ANK2: variants seen among roughly 807,000 people sequenced by gnomAD.
ANK2 encodes ankyrin 2.
Under a neutral mutation model 360.5 loss-of-function variants are expected in ANK2, and 83 were observed. That is an observed-to-expected ratio of 0.23 (90% confidence interval 0.19 to 0.28). The LOEUF (loss-of-function observed/expected upper bound fraction) is 0.28. Among genes scored for constraint, ANK2 ranks in the 10% least tolerant of loss-of-function variants. ANK2 has a pLI of 1.00. For synonymous variants in ANK2, 1,740 were observed against 1,759.5 expected, an observed-to-expected ratio of 0.99 and a Z score of 0.28; for missense variants, 4,201 against 4,795.7, an observed-to-expected ratio of 0.88 and a Z score of 3.66.
intron 2 of ANK2, among the ~76,000 whole-genome samples, chr4:113,176,488 A>G (rs2153228690): frequency 6.6e-6 from 1 of 152,064 alleles, no homozygotes; most frequent in South Asian, 2.1e-4. Context: ...GTTCTTTTGG[A>G]CAAATAATTT....
chr4:112,776,042 G>A, the ANK2 span, among the ~76,000 whole-genome samples: 1 of 152,108 alleles, frequency 6.6e-6, no homozygotes, highest in Non-Finnish European at 1.5e-5. Context: ...TCTGAGAAGC[G>A]CCAGCCTAGG....
intron 1 of ANK2, among the ~76,000 whole-genome samples, chr4:112,835,772 T>A (rs115341665): frequency 0.011 from 1,639 of 152,330 alleles, 28 homozygotes; most frequent in African/African-American, 0.037. Context: ...AAATGAACTT[T>A]CTGCTAAAAT....
At chr4:112,974,067 A>G (rs905639367) in intron 2 of ANK2, among the ~76,000 whole-genome samples, 1 of 152,178 alleles carries the variant, frequency 6.6e-6, no homozygotes, top group African/African-American at 2.4e-5. Flanking sequence ...GTCTTTGAAA[A>G]ACAATTTAAA....
At chr4:112,859,950 CTCTG>C (rs1249247717) in intron 1 of ANK2, among the ~76,000 whole-genome samples, 1 of 152,200 alleles carries the variant, frequency 6.6e-6, no homozygotes. Context: ...CTGATCACTG[CTCTG>C]CCAGCAATAC....
chr4:113,151,396 T>C (rs1353847951), intron 1 of ANK2, among the ~76,000 whole-genome samples: 5 of 152,136 alleles, frequency 3.3e-5, no homozygotes, highest in Non-Finnish European at 7.4e-5. Flanking sequence ...AAGCTTCCAC[T>C]CACGGAGGAA....
intron 1 of ANK2, among the ~76,000 whole-genome samples, chr4:112,840,848 A>G (rs2061938223): frequency 6.6e-6 from 1 of 152,230 alleles, no homozygotes; most frequent in Non-Finnish European, 1.5e-5. Flanking sequence ...CAACCCAGGG[A>G]GTGTGATGCA....
At chr4:113,171,428 T>C (rs2097945397) in intron 1 of ANK2, among the ~76,000 whole-genome samples, 1 of 152,216 alleles carries the variant, frequency 6.6e-6, no homozygotes, top group Non-Finnish European at 1.5e-5. Context: ...ATAATGTCAA[T>C]ATTCATACAT....
At chr4:112,759,341 C>T in the ANK2 span, among the ~76,000 whole-genome samples, 2 of 151,986 alleles carry the variant, frequency 1.3e-5, no homozygotes, top group Admixed American at 6.6e-5. Flanking sequence ...GAGAAGGTGT[C>T]GCTTCATTGC....
intron 2 of ANK2, among the ~76,000 whole-genome samples, chr4:112,989,899 CACTT>C (rs1204089837): frequency 6.6e-6 from 1 of 152,174 alleles, no homozygotes; most frequent in East Asian, 1.9e-4. Flanking sequence ...AGAAAACTAA[CACTT>C]AATTTCATAG....
chr4:112,902,295 A>C (rs1289158120), intron 1 of ANK2, among the ~76,000 whole-genome samples: 1 of 152,216 alleles, frequency 6.6e-6, no homozygotes, highest in African/African-American at 2.4e-5. Flanking sequence ...AAAGTAGCTG[A>C]GTGCAACCAG....
At chr4:113,155,209 T>C (rs1392479515) in intron 1 of ANK2, among the ~76,000 whole-genome samples, 13 of 152,178 alleles carry the variant, frequency 8.5e-5, no homozygotes, top group Admixed American at 5.9e-4. Flanking sequence ...AACATATGCC[T>C]TTATTGGATG....
At position 113,357,143 on chromosome 4, in the gene ANK2, A is replaced by C; in HGVS notation, c.8525A>C (p.Glu2842Ala). ...TCTCCACAAGCAGATTGCCCCAGTG[A>C]AAGCTTTTCATCTTCATCCTCTTTG... ...AESPQADCPS[E>A]SFSSSSSLPH... The change falls in exon 38 of 46, where the codon GAA becomes GCA. Residue 2842 changes from glutamate (E) to alanine (A), a missense_variant. By Grantham distance (107) the Glu-to-Ala change is moderately radical. Coordinates refer to ENST00000357077, the MANE Select transcript of ANK2 (RefSeq NM_001148.6). 1 of 1,614,138 alleles carries C rather than the reference A, an allele frequency of 6.2e-7. No individual in the cohort carries two copies. Among genetic ancestry groups the C allele is most frequent in the Non-Finnish European group, 8.5e-7 (1 of 1,179,976 alleles).
At chr4:113,332,105 GC>G (rs754985896) in intron 28 of ANK2, 35 bp downstream of exon 28, 3 of 1,537,134 alleles carry the variant, frequency 2.0e-6, no homozygotes, top group Non-Finnish European at 1.8e-6. Context: ...ATGGCTGCTG[GC>G]CCCCCATTCT....
intron 15 of ANK2, among the ~76,000 whole-genome samples, chr4:113,276,036 G>A (rs2060126079): frequency 6.6e-6 from 1 of 151,088 alleles, no homozygotes; most frequent in African/African-American, 2.4e-5. Flanking sequence ...CTGCCTCCCG[G>A]GTTCAAGCGA....
chr4:113,336,911 TTAAC>T (rs994699077), intron 31 of ANK2, 130 bp downstream of exon 31: 14 of 888,452 alleles, frequency 1.6e-5, no homozygotes, highest in Non-Finnish European at 1.5e-5. Flanking sequence ...TACATTTTAA[TTAAC>T]TAGGGAAATG....
intron 1 of ANK2, among the ~76,000 whole-genome samples, chr4:113,140,808 G>T (rs1049869477): frequency 6.6e-6 from 1 of 151,998 alleles, no homozygotes; most frequent in Non-Finnish European, 1.5e-5. Flanking sequence ...GTGAAACCCT[G>T]TCTCTACTAA....
intron 4 of ANK2, among the ~76,000 whole-genome samples, chr4:113,231,551 C>G (rs948336329): frequency 6.6e-6 from 1 of 151,698 alleles, no homozygotes; most frequent in Non-Finnish European, 1.5e-5. Context: ...AGTGATAATT[C>G]CATATGTTAT....
the ANK2 span, among the ~76,000 whole-genome samples, chr4:112,812,151 C>T: frequency 3.4e-5 from 5 of 148,372 alleles, no homozygotes; most frequent in Admixed American, 3.3e-4. Context: ...AGAATTCATA[C>T]TTAACTCTCG....
At chr4:113,348,896 A>C (rs1242487636) in intron 36 of ANK2, among the ~76,000 whole-genome samples, 1 of 152,156 alleles carries the variant, frequency 6.6e-6, no homozygotes. Context: ...CAGGCTCCTC[A>C]GTAATTTTTG....
Sources: allele counts gnomAD v4.1 joint callset (sites outside exome capture counted in the v4.1 genomes callset), GRCh38; gene constraint gnomAD v4.1.1; transcripts MANE v1.5; gene names NCBI Gene and HGNC (gene_info 2026-07-23, HGNC 2026-07-21).